The following DPY19L4 variants were observed in gnomAD, a reference collection of about 807,000 sequenced individuals.
DPY19L4 encodes the protein dpy-19 like 4, also known as probable C-mannosyltransferase DPY19L4.
Under a neutral mutation model 102.8 loss-of-function variants are expected in DPY19L4, and 97 were observed. The ratio of observed to expected loss-of-function variants is 0.94; its 90% confidence interval spans 0.80 to 1.12. The LOEUF (loss-of-function observed/expected upper bound fraction) is 1.12, where lower values mean the gene tolerates loss of function less well. DPY19L4 is among the 50% of genes most tolerant of loss of function. DPY19L4 has a pLI of 0.00. For synonymous variants in DPY19L4, 252 were observed against 283.1 expected, an observed-to-expected ratio of 0.89 and a Z score of 1.10; for missense variants, 815 against 850.4, an observed-to-expected ratio of 0.96 and a Z score of 0.52.
intron 6 of DPY19L4, 75 bp downstream of exon 6, chr8:94,739,865 C>A: frequency 6.6e-7 from 1 of 1,519,060 alleles, no homozygotes; most frequent in South Asian, 1.2e-5. Flanking sequence ...AATGCCTCCC[C>A]TCCCCAACAG....
intron 1 of DPY19L4, among the ~76,000 whole-genome samples, chr8:94,724,659 G>A (rs751341852): frequency 2.4e-4 from 28 of 115,082 alleles, no homozygotes; most frequent in African/African-American, 6.3e-4. Context: ...CGCGATCTCG[G>A]GTCACTGCAG....
At chr8:94,739,916 G>T in intron 6 of DPY19L4, 126 bp downstream of exon 6, 2 of 1,160,460 alleles carry the variant, frequency 1.7e-6, no homozygotes, top group Non-Finnish European at 2.4e-6. Context: ...ATGATGAGAT[G>T]CCATTCCCAT....
intron 4 of DPY19L4, among the ~76,000 whole-genome samples, chr8:94,738,759 G>A (rs1490122274): frequency 1.1e-4 from 16 of 152,004 alleles, no homozygotes; most frequent in East Asian, 3.9e-4. Context: ...TGATCTGCCC[G>A]CCTCAGCCTC....
chr8:94,764,403 C>T (rs1347199717), intron 8 of DPY19L4, among the ~76,000 whole-genome samples: 1 of 151,334 alleles, frequency 6.6e-6, no homozygotes, highest in Non-Finnish European at 1.5e-5. Context: ...GGTGAAATCC[C>T]GTCTCTACTA....
Position 94,751,398 on chromosome 8 carries a change from G to A in DPY19L4, c.612-4638G>A, listed in dbSNP as rs548157217. Among the ~76,000 whole-genome samples, 7 of 152,082 alleles carry A rather than the reference G, an allele frequency of 4.6e-5. No individual in the cohort carries two copies. The East Asian group carries it at 1.2e-3, about 25-fold the overall frequency. On this transcript the variant is annotated intron_variant, in intron 6 of 18. Coordinates refer to ENST00000414645, the MANE Select transcript of DPY19L4 (RefSeq NM_181787.3). ...CTCCCAAAGTGCTGGCATTATAGGC[G>A]TGAGCCACCACGCCCGGGACCTCCC...
chr8:94,720,643 G>A (rs1810416919), intron 1 of DPY19L4, among the ~76,000 whole-genome samples: 1 of 152,172 alleles, frequency 6.6e-6, no homozygotes, highest in Admixed American at 6.5e-5. Context: ...AAGTGGGTGA[G>A]CTGGAGAAAG....
intron 7 of DPY19L4, among the ~76,000 whole-genome samples, chr8:94,756,886 G>A (rs1420319273): frequency 6.6e-6 from 1 of 152,054 alleles, no homozygotes; most frequent in Non-Finnish European, 1.5e-5. Context: ...TTAGCCAGGT[G>A]TGGTGGCACA....
intron 6 of DPY19L4, 37 bp from the exon 7 acceptor site, chr8:94,755,999 T>C: frequency 6.4e-7 from 1 of 1,569,232 alleles, no homozygotes. Context: ...ACAAATATAA[T>C]GTCTTATTTT....
chr8:94,752,758 C>T (rs961578491), intron 6 of DPY19L4, among the ~76,000 whole-genome samples: 23 of 150,746 alleles, frequency 1.5e-4, no homozygotes, highest in African/African-American at 5.1e-4. Context: ...TCCGCCACCC[C>T]GGTTCACGCC....
chr8:94,749,410 C>T (rs774950424), intron 6 of DPY19L4, among the ~76,000 whole-genome samples: 7 of 152,138 alleles, frequency 4.6e-5, no homozygotes, highest in South Asian at 2.1e-4. Flanking sequence ...AGGGTGTACT[C>T]GGCAGCAGTC....
chr8:94,780,655 T>C (rs1813388044), intron 15 of DPY19L4, among the ~76,000 whole-genome samples: 1 of 152,132 alleles, frequency 6.6e-6, no homozygotes, highest in Non-Finnish European at 1.5e-5. Context: ...CAGTTTATAA[T>C]TGGCAAAGGA....
chr8:94,746,387 C>T lies in DPY19L4; in HGVS notation c.611+6597C>T, dbSNP rs182281919. On this transcript the variant is annotated intron_variant, in intron 6 of 18. Coordinates refer to ENST00000414645, the MANE Select transcript of DPY19L4 (RefSeq NM_181787.3). ...GTTTGTAATGATTTAAAAAACAATA[C>T]GTTTATAATTTATAATAGTAATATA... is the stretch of plus-strand genomic sequence containing the variant. Among the ~76,000 whole-genome samples the T allele has an allele frequency of 2.1e-3, 317 of 152,116 alleles. 1 individual carries two copies. Among genetic ancestry groups the T allele is most frequent in the African/African-American group, 6.8e-3 (282 of 41,504 alleles).
At chr8:94,770,622 G>C (rs186376865) in intron 13 of DPY19L4, 51 bp downstream of exon 13, 2 of 1,605,732 alleles carry the variant, frequency 1.2e-6, no homozygotes, top group African/African-American at 2.7e-5. Flanking sequence ...TGTTGGCTGA[G>C]TGCGGTGACT....
At chr8:94,755,074 C>T (rs967279249) in intron 6 of DPY19L4, among the ~76,000 whole-genome samples, 1 of 152,190 alleles carries the variant, frequency 6.6e-6, no homozygotes, top group Admixed American at 6.5e-5. Flanking sequence ...AGGCATGATC[C>T]ACCGTGCCCG....
At chr8:94,789,082 G>T (rs1178741120) in intron 18 of DPY19L4, among the ~76,000 whole-genome samples, 1 of 152,040 alleles carries the variant, frequency 6.6e-6, no homozygotes, top group East Asian at 1.9e-4. Context: ...TCAGTAATTG[G>T]TGCTGTCTTG....
chr8:94,771,121 T>C (rs1283438391), intron 13 of DPY19L4, among the ~76,000 whole-genome samples: 1 of 152,048 alleles, frequency 6.6e-6, no homozygotes, highest in East Asian at 1.9e-4. Context: ...TTCACCACAT[T>C]GGTCAGGCTG....
chr8:94,735,654 G>C (rs1406042722), intron 3 of DPY19L4, among the ~76,000 whole-genome samples: 1 of 152,166 alleles, frequency 6.6e-6, no homozygotes, highest in Non-Finnish European at 1.5e-5. Flanking sequence ...GCAGAACTGA[G>C]AATAACCAAA....
chr8:94,731,643 C>T lies in DPY19L4; in HGVS notation c.128-2987C>T, dbSNP rs1202864038. 1.2e-4 allele frequency among the ~76,000 whole-genome samples: 19 copies of T among 152,114 alleles called. No individual in the cohort carries two copies. In the South Asian group the frequency reaches 3.7e-3, roughly 30 times the overall value. ...TTGGCCATGGTTGGTCTCAAACTCC[C>T]GACCTCAGGTGATCCGCCCACCTCA... On this transcript the variant is annotated intron_variant, in intron 2 of 18. Coordinates refer to ENST00000414645, the MANE Select transcript of DPY19L4 (RefSeq NM_181787.3).
rs965303500 is a variant in DPY19L4, at chr8:94,756,123, A to T, written c.699A>T (p.Thr233=). Residue 233 remains threonine (T), a synonymous_variant, in exon 7 of 19, where the codon ACA becomes ACT. Transcript: ENST00000414645. ...PYFACQIAAL[T]GYLKSNLNTY... ...TTGCATGCCAAATTGCTGCACTTAC[A>T]GGCTATTTAAAAAGCAACTTAAATA... The T allele has an allele frequency of 6.2e-7, 1 of 1,613,848 alleles. No homozygotes were observed. Among genetic ancestry groups the T allele is most frequent in the Admixed American group, 1.7e-5 (1 of 60,000 alleles).
Sources: gnomAD v4.1 joint callset for allele counts (sites outside exome capture counted in the v4.1 genomes callset) on GRCh38, gnomAD v4.1.1 for gene constraint, MANE v1.5 for transcripts, NCBI Gene and HGNC (gene_info 2026-07-23, HGNC 2026-07-21) for gene names.